SEMA5A: variants seen among roughly 807,000 people sequenced by gnomAD.
The protein encoded by SEMA5A is semaphorin 5A, also known as semaphorin-5A.
Under a neutral mutation model 135.5 loss-of-function variants are expected in SEMA5A, and 55 were observed. The observed-to-expected ratio is 0.41, with a 90% confidence interval of 0.33 to 0.51. The LOEUF is 0.51. Among genes scored for constraint, SEMA5A ranks in the 20% least tolerant of loss-of-function variants. SEMA5A has a pLI of 0.37. For missense variants in SEMA5A, 1,290 were observed against 1,419.9 expected (o/e 0.91, Z 1.47); for synonymous variants, 580 against 546.5 (o/e 1.06, Z -0.85).
intron 1 of SEMA5A, among the ~76,000 whole-genome samples, chr5:9,455,263 T>A (rs944079171): frequency 7.7e-4 from 113 of 147,186 alleles, no homozygotes; most frequent in African/African-American, 1.2e-3. Context: ...ATTTATTTTT[T>A]TTTTTTTTTT....
chr5:9,330,108 G>C (rs1753054956), intron 4 of SEMA5A, among the ~76,000 whole-genome samples: 1 of 149,666 alleles, frequency 6.7e-6, no homozygotes, highest in South Asian at 2.1e-4. Context: ...GTACTAGGCT[G>C]ATATTCTCCC....
intron 16 of SEMA5A, among the ~76,000 whole-genome samples, chr5:9,100,904 G>T (rs1560915653): frequency 6.6e-6 from 1 of 151,880 alleles, no homozygotes; most frequent in Admixed American, 6.6e-5. Flanking sequence ...ACTCCCTTTG[G>T]AATTCTGCAG....
intron 9 of SEMA5A, among the ~76,000 whole-genome samples, chr5:9,199,029 C>A (rs889056761): frequency 6.6e-6 from 1 of 152,160 alleles, no homozygotes; most frequent in Non-Finnish European, 1.5e-5. Context: ...AGAGAGTTTA[C>A]GCAGCCCAAG....
At chr5:9,236,695 G>A (rs148735749) in intron 6 of SEMA5A, among the ~76,000 whole-genome samples, 7 of 152,108 alleles carry the variant, frequency 4.6e-5, no homozygotes, top group African/African-American at 1.2e-4. Context: ...CCTTTTCTGC[G>A]GTTAAATATC....
At chr5:9,093,946 A>T (rs1178729349) in intron 16 of SEMA5A, among the ~76,000 whole-genome samples, 1 of 151,988 alleles carries the variant, frequency 6.6e-6, no homozygotes, top group Non-Finnish European at 1.5e-5. Context: ...AGTCCTGCCC[A>T]CACCTGTTGG....
At chr5:9,371,850 A>C (rs987745477) in intron 3 of SEMA5A, among the ~76,000 whole-genome samples, 1 of 152,190 alleles carries the variant, frequency 6.6e-6, no homozygotes, top group African/African-American at 2.4e-5. Context: ...GGTTTATGTA[A>C]ATTTTAGTTT....
chr5:9,216,423 A>G (rs1020295795), intron 8 of SEMA5A, among the ~76,000 whole-genome samples: 1 of 152,312 alleles, frequency 6.6e-6, no homozygotes, highest in East Asian at 1.9e-4. Flanking sequence ...TCAATTTTAA[A>G]GTATGTACCA....
intron 1 of SEMA5A, among the ~76,000 whole-genome samples, chr5:9,470,097 G>T (rs1440987243): frequency 3.3e-5 from 5 of 152,180 alleles, no homozygotes; most frequent in Non-Finnish European, 7.3e-5. Context: ...AGCATGTTAG[G>T]GGGGGTTCCA....
intron 6 of SEMA5A, among the ~76,000 whole-genome samples, chr5:9,228,095 G>A (rs918227676): frequency 2.0e-5 from 3 of 152,140 alleles, no homozygotes; most frequent in Non-Finnish European, 4.4e-5. Context: ...TAGCCACTGG[G>A]TTAGAAGTCT....
chr5:9,049,101 A>G (rs532061727), intron 21 of SEMA5A, among the ~76,000 whole-genome samples: 109 of 152,296 alleles, frequency 7.2e-4, no homozygotes, highest in Middle Eastern at 3.4e-3. Flanking sequence ...TGAATGAACT[A>G]ACAGACTGCT....
intron 5 of SEMA5A, among the ~76,000 whole-genome samples, chr5:9,286,823 G>A (rs1195542451): frequency 6.6e-6 from 1 of 152,214 alleles, no homozygotes; most frequent in Non-Finnish European, 1.5e-5. Context: ...AAGCCCATCA[G>A]CAGAGAATAA....
At position 9,320,509 on chromosome 5, in the gene SEMA5A, A is replaced by G. The variant is rs148244963; in HGVS notation, c.225-2092T>C. Among the ~76,000 whole-genome samples, 5 of 152,318 alleles carry G rather than the reference A, an allele frequency of 3.3e-5. No homozygotes were observed. The East Asian group carries it at 9.7e-4, about 29-fold the overall frequency. On this transcript the variant is annotated intron_variant, in intron 4 of 22. Transcript: ENST00000382496. Reference sequence around the variant, plus strand: ...CCAATCACTTGAGTCCTGGAGTTCTAGACAGGCCTAGGCAACATAGGGAGA... The same window carrying G: ...CCAATCACTTGAGTCCTGGAGTTCTGGACAGGCCTAGGCAACATAGGGAGA...
chr5:9,281,778 A>T (rs1476137919), intron 5 of SEMA5A, among the ~76,000 whole-genome samples: 1 of 151,582 alleles, frequency 6.6e-6, no homozygotes, highest in African/African-American at 2.4e-5. Context: ...GCTGTGACTA[A>T]TGGACATCAG....
chr5:9,513,516 A>G (rs536030434), intron 1 of SEMA5A, among the ~76,000 whole-genome samples: 40 of 152,306 alleles, frequency 2.6e-4, no homozygotes, highest in Middle Eastern at 6.8e-3. Flanking sequence ...ACAGAGGGAA[A>G]AGAGAGGAAA....
At chr5:9,414,007 T>A (rs1175848729) in intron 2 of SEMA5A, among the ~76,000 whole-genome samples, 1 of 152,006 alleles carries the variant, frequency 6.6e-6, no homozygotes, top group East Asian at 1.9e-4. Context: ...ATTTCCTAAC[T>A]TTTTTTCAAT....
intron 19 of SEMA5A, 149 bp from the exon 20 acceptor site, chr5:9,052,177 TATC>T: frequency 1.1e-6 from 1 of 873,702 alleles, no homozygotes; most frequent in Non-Finnish European, 1.7e-6. Context: ...GATGTAGTTG[TATC>T]ATCTAACAGA....
intron 11 of SEMA5A, among the ~76,000 whole-genome samples, chr5:9,173,522 C>T (rs1422428090): frequency 6.6e-6 from 1 of 152,096 alleles, no homozygotes; most frequent in Non-Finnish European, 1.5e-5. Context: ...ATGACACCTT[C>T]CTTCTGTGTC....
intron 6 of SEMA5A, among the ~76,000 whole-genome samples, chr5:9,227,738 G>A (rs1239578559): frequency 6.6e-6 from 1 of 151,922 alleles, no homozygotes; most frequent in African/African-American, 2.4e-5. Context: ...TTTTAGTAGA[G>A]ACAGGGTTTC....
At chr5:9,328,542 G>A (rs559370231) in intron 4 of SEMA5A, among the ~76,000 whole-genome samples, 89 of 152,280 alleles carry the variant, frequency 5.8e-4, no homozygotes, top group African/African-American at 2.1e-3. Context: ...ACTTTGAGAG[G>A]CCAAGGTGGG....
Sources: gnomAD v4.1 joint callset for allele counts (sites outside exome capture counted in the v4.1 genomes callset) on GRCh38, gnomAD v4.1.1 for gene constraint, MANE v1.5 for transcripts, NCBI Gene and HGNC (gene_info 2026-07-23, HGNC 2026-07-21) for gene names.